The following RADIL variants were observed in gnomAD, a reference collection of about 807,000 sequenced individuals.
RADIL encodes Rap associating with DIL domain, also known as ras-associating and dilute domain-containing protein.
In RADIL, 99 loss-of-function variants were observed where a neutral mutation model predicts 97.6. That is an observed-to-expected ratio of 1.01 (90% CI 0.86 to 1.20). The LOEUF (loss-of-function observed/expected upper bound fraction) is 1.20, where lower values mean the gene tolerates loss of function less well. Among genes scored for constraint, RADIL ranks in the 50% most tolerant of loss-of-function variants. RADIL has a pLI of 0.00. For missense variants in RADIL, 1,765 were observed against 1,498.9 expected (o/e 1.18, Z -2.93); for synonymous variants, 803 against 691.8 (o/e 1.16, Z -2.52).
At chr7:4,816,537 C>T (rs534823254) in intron 7 of RADIL, 72 bp from the exon 8 acceptor site, 28 of 1,276,942 alleles carry the variant, frequency 2.2e-5, no homozygotes, top group Non-Finnish European at 3.0e-5. Flanking sequence ...GGGCCTGACC[C>T]AGCGAGCTCC....
chr7:4,861,834 G>GCACGTCTCCCACCACCGCGACCTT, intron 2 of RADIL: 2 of 1,268,420 alleles, frequency 1.6e-6, no homozygotes, highest in Non-Finnish European at 2.1e-6. Flanking sequence ...CCCCGCCAGG[G>GCACGTCTCCCACCACCGCGACCTT]CACGTCCCCC....
intron 2 of RADIL, among the ~76,000 whole-genome samples, chr7:4,845,457 A>G (rs1409055867): frequency 6.6e-6 from 1 of 152,212 alleles, no homozygotes; most frequent in Non-Finnish European, 1.5e-5. Context: ...ATTCTGAGAA[A>G]ACACCAGAAT....
chr7:4,882,508 G>T (rs1784507185), intron 1 of RADIL, among the ~76,000 whole-genome samples: 1 of 152,156 alleles, frequency 6.6e-6, no homozygotes, highest in Non-Finnish European at 1.5e-5. Context: ...ACAAGCTCAA[G>T]TCCCAGCGGC....
chr7:4,864,771 T>A (rs892934447), intron 2 of RADIL, among the ~76,000 whole-genome samples: 4 of 152,344 alleles, frequency 2.6e-5, no homozygotes, highest in Non-Finnish European at 2.9e-5. Flanking sequence ...CCTGTTCCCT[T>A]ATAACTCTAG....
intron 2 of RADIL, among the ~76,000 whole-genome samples, chr7:4,851,669 A>G (rs935185856): frequency 2.0e-5 from 3 of 152,018 alleles, no homozygotes; most frequent in Admixed American, 2.0e-4. Flanking sequence ...GTTTCCAAGC[A>G]GAGTGTAGAA....
chr7:4,837,912 C>G lies in RADIL; in HGVS notation c.536-1307G>C. The stretch of plus-strand genomic sequence containing the variant: ...CAGCCTTTCAGGTTAAGATCCATCC[C>G]CATCTGTGGCGGCCTTTCCTCCAAC... On this transcript the variant is annotated intron_variant, in intron 2 of 14. Transcript: ENST00000399583. The surrounding 1 kb of genome is among the most constrained non-coding windows in gnomAD (Gnocchi z 5.6). 1.0e-6 allele frequency: 1 copy of G among 985,422 alleles called. No homozygotes were observed. Among genetic ancestry groups the G allele is most frequent in the Non-Finnish European group, 1.2e-6 (1 of 829,930 alleles). 61.0% of individuals were successfully genotyped at this position (985,422 alleles called of 1,614,324 possible).
chr7:4,823,572 C>G (rs556002344), intron 5 of RADIL, among the ~76,000 whole-genome samples: 29 of 152,266 alleles, frequency 1.9e-4, no homozygotes, highest in Middle Eastern at 3.4e-3. Context: ...GTTGGGGGGG[C>G]GCCCTTCCCT....
At position 4,822,583 on chromosome 7, in the gene RADIL, G is replaced by A. The variant is rs570811916; in HGVS notation, c.1455-29C>T. ...CCAAGACAGAAAGACTAAGAGTTACGCGGGGACCCGACCCTCAGGAGGCTG... is the reference window on the plus strand; with the variant it reads ...CCAAGACAGAAAGACTAAGAGTTACACGGGGACCCGACCCTCAGGAGGCTG... On this transcript the variant is annotated intron_variant, in intron 5 of 14. Coordinates refer to ENST00000399583, the MANE Select transcript of RADIL (RefSeq NM_018059.5). The surrounding 1 kb of genome is among the most constrained non-coding windows in gnomAD (Gnocchi z 5.3). 4.4e-5 allele frequency: 70 copies of A among 1,604,966 alleles called. No homozygotes were observed. In the South Asian group the frequency reaches 5.5e-4, roughly 13 times the overall value.
At chr7:4,847,815 T>C (rs907197610) in intron 2 of RADIL, among the ~76,000 whole-genome samples, 6 of 138,894 alleles carry the variant, frequency 4.3e-5, no homozygotes, top group African/African-American at 1.7e-4. Context: ...AAAGCAAATG[T>C]ATAGAGCCAG....
rs899326009 is a variant in RADIL at position 4,878,267 on chromosome 7, C to T, written c.-64-64G>A. The stretch of plus-strand genomic sequence containing the variant: ...TGACCACCAAGAGCAAATGAGGCCA[C>T]AGGCGGTGACTCCTGCCCGTCATCC... On this transcript the variant is annotated intron_variant, in intron 1 of 14. Transcript: ENST00000399583. The surrounding 1 kb of genome is among the most constrained non-coding windows in gnomAD (Gnocchi z 4.1). 4.7e-6 allele frequency: 5 copies of T among 1,054,050 alleles called. No individual in the cohort carries two copies. Among genetic ancestry groups the T allele is most frequent in the Non-Finnish European group, 6.6e-6 (5 of 754,192 alleles). 65.3% of individuals were successfully genotyped at this position (1,054,050 alleles called of 1,614,324 possible).
chr7:4,801,924 G>A lies in RADIL; in HGVS notation c.2571C>T (p.Gly857=). The A allele has an allele frequency of 1.3e-6, 2 of 1,567,926 alleles. No homozygotes were observed. Among genetic ancestry groups the A allele is most frequent in the African/African-American group, 1.4e-5 (1 of 73,454 alleles). The change falls in exon 12 of 15, where the codon GGC becomes GGT. Residue 857 remains glycine, a synonymous_variant. Coordinates refer to ENST00000399583, the MANE Select transcript of RADIL (RefSeq NM_018059.5). ...CCGGGGCCACTTCCCGGGCTGCTGG[G>A]CCAGGGTCCCTGGGAGCCAGGGGGC... ...PSCPLAPRDP[G]PAAREVAPER...
intron 1 of RADIL, among the ~76,000 whole-genome samples, chr7:4,881,331 C>T (rs4724144): frequency 0.24 from 34,794 of 148,012 alleles, 4,567 homozygotes; most frequent in Admixed American, 0.35. Flanking sequence ...AGGAGAATGG[C>T]GTGAACCCGG....
At chr7:4,805,403 GCGGGGC>G in intron 10 of RADIL, 157 bp downstream of exon 10, 5 of 756,466 alleles carry the variant, frequency 6.6e-6, no homozygotes, top group Non-Finnish European at 9.2e-6. Context: ...TGGGGATGGG[GCGGGGC>G]GGGGGGGTCC....
chr7:4,853,588 C>G (rs780589193), intron 2 of RADIL, among the ~76,000 whole-genome samples: 23 of 151,804 alleles, frequency 1.5e-4, no homozygotes, highest in Non-Finnish European at 2.8e-4. Context: ...ACTAAAAATA[C>G]AAAATTAGCC....
At chr7:4,846,190 T>G (rs1554263790) in intron 2 of RADIL, among the ~76,000 whole-genome samples, 1 of 150,840 alleles carries the variant, frequency 6.6e-6, no homozygotes, top group Non-Finnish European at 1.5e-5. Flanking sequence ...AGTGCAGTGG[T>G]GCGATCTTGG....
rs1212092575 is a variant in RADIL at position 4,879,682 on chromosome 7, G to A, written c.-64-1479C>T. 3.9e-5 allele frequency among the ~76,000 whole-genome samples: 6 copies of A among 152,138 alleles called. No homozygotes were observed. Among genetic ancestry groups the A allele is most frequent in the African/African-American group, 9.7e-5 (4 of 41,424 alleles). ...GCTGCAAAAGGCTTCTGGAAAGGAC[G>A]GTGGCTGCCTAGGGCCACAGAAAGC... On this transcript the variant is annotated intron_variant, in intron 1 of 14. Coordinates refer to ENST00000399583, the MANE Select transcript of RADIL (RefSeq NM_018059.5). The surrounding 1 kb of genome is among the most constrained non-coding windows in gnomAD (Gnocchi z 4.1).
chr7:4,813,105 C>T lies in RADIL; in HGVS notation c.2139+2173G>A, dbSNP rs1782589591. On this transcript the variant is annotated intron_variant, in intron 9 of 14. Transcript: ENST00000399583. The surrounding 1 kb of genome is among the most constrained non-coding windows in gnomAD (Gnocchi z 5.0). Reference sequence around the variant, plus strand: ...CTCTCTCTCTCTCTCTCTCTCTTTCCTTTCTTTCTTTCTTTTCTTTCTTTC... The same window carrying T: ...CTCTCTCTCTCTCTCTCTCTCTTTCTTTTCTTTCTTTCTTTTCTTTCTTTC... Among the ~76,000 whole-genome samples the T allele has an allele frequency of 5.3e-5, 7 of 132,034 alleles. No individual in the cohort carries two copies. Among genetic ancestry groups the T allele is most frequent in the Admixed American group, 7.3e-5 (1 of 13,606 alleles). The allele number at this position is 132,034 out of a possible 152,430, so 86.6% of individuals were successfully genotyped here.
At position 4,819,846 on chromosome 7, in the gene RADIL, C is replaced by T. The variant is rs1782781466; in HGVS notation, c.1616-2495G>A. On this transcript the variant is annotated intron_variant, in intron 6 of 14. Transcript: ENST00000399583. The surrounding 1 kb of genome is among the most constrained non-coding windows in gnomAD (Gnocchi z 5.8). ...GCCTGCAGGCATCCCTGGGCCCTGGCTCCCATCGCCGGGCCAAACACTGCT... is the reference window on the plus strand; with the variant it reads ...GCCTGCAGGCATCCCTGGGCCCTGGTTCCCATCGCCGGGCCAAACACTGCT... Among the ~76,000 whole-genome samples the T allele has an allele frequency of 6.6e-6, 1 of 152,194 alleles. No individual in the cohort carries two copies. Among genetic ancestry groups the T allele is most frequent in the African/African-American group, 2.4e-5 (1 of 41,454 alleles).
chr7:4,830,866 C>A (rs1345105606), intron 5 of RADIL, among the ~76,000 whole-genome samples: 1 of 151,828 alleles, frequency 6.6e-6, no homozygotes, highest in African/African-American at 2.4e-5. Context: ...TACAAAAAAA[C>A]AAAAATTAGC....
Sources: gnomAD v4.1 joint callset for allele counts (sites outside exome capture counted in the v4.1 genomes callset) on GRCh38, gnomAD v4.1.1 for gene constraint, Gnocchi (gnomAD v3.1) non-coding constraint, MANE v1.5 for transcripts, NCBI Gene and HGNC (gene_info 2026-07-23, HGNC 2026-07-21) for gene names.